Variants in FGF14 observed in about 807,000 individuals in gnomAD.
FGF14 encodes fibroblast growth factor 14.
A neutral mutation model predicts 25.5 loss-of-function variants in FGF14; 5 were observed. That is an observed-to-expected ratio of 0.20 (90% CI 0.10 to 0.41). The LOEUF (loss-of-function observed/expected upper bound fraction) is 0.41, where lower values mean the gene tolerates loss of function less well. FGF14 is among the 10% of genes least tolerant of loss of function. The pLI, the probability that FGF14 is intolerant of heterozygous loss-of-function variation, is 1.00. For missense variants in FGF14, 222 were observed against 320.1 expected, an observed-to-expected ratio of 0.69 and a Z score of 2.34; for synonymous variants, 138 against 118.3, an observed-to-expected ratio of 1.17 and a Z score of -1.08.
intron 1 of FGF14, among the ~76,000 whole-genome samples, chr13:102,012,736 G>A (rs9557786): frequency 0.11 from 17,303 of 152,090 alleles, 1,178 homozygotes; most frequent in Non-Finnish European, 0.16. Context: ...AACCCCTCCC[G>A]CACTGGGGCT....
chr13:102,021,314 TGAGCTAAGTA>T (rs1254561526), intron 1 of FGF14, among the ~76,000 whole-genome samples: 4 of 152,110 alleles, frequency 2.6e-5, no homozygotes, highest in Admixed American at 6.6e-5. Context: ...TAGCTCATTT[TGAGCTAAGTA>T]GAGGCTTCGT....
At position 101,916,654 on chromosome 13, in the gene FGF14, C is replaced by G. The variant is rs1418612835; in HGVS notation, c.-9G>C. ...GCGATGGCCGCGGCCATGGTGGCCC[C>G]GGGAACGGGTCCGGGGAGGGAGGGC... On this transcript the variant is annotated 5_prime_UTR_variant, in exon 1 of 5. Coordinates refer to ENST00000376143, the MANE Select transcript of FGF14 (RefSeq NM_004115.4). The G allele has an allele frequency of 4.5e-6, 7 of 1,540,170 alleles. No individual in the cohort carries two copies. In the South Asian group the frequency reaches 8.5e-5, roughly 19 times the overall value.
intron 3 of FGF14, among the ~76,000 whole-genome samples, chr13:101,858,606 T>C (rs2044249181): frequency 6.6e-6 from 1 of 152,068 alleles, no homozygotes; most frequent in Non-Finnish European, 1.5e-5. Context: ...CATTCACAAA[T>C]ATAGCTAACC....
At chr13:101,723,389 T>C (rs2035135563) in intron 4 of FGF14, among the ~76,000 whole-genome samples, 1 of 152,074 alleles carries the variant, frequency 6.6e-6, no homozygotes, top group South Asian at 2.1e-4. Context: ...TCTCATTCAC[T>C]TCAATCAATC....
At chr13:101,805,671 G>A (rs546362744) in intron 3 of FGF14, among the ~76,000 whole-genome samples, 4 of 152,226 alleles carry the variant, frequency 2.6e-5, no homozygotes, top group African/African-American at 9.6e-5. Flanking sequence ...ACAATTTTGA[G>A]TGACTAACAT....
chr13:102,001,815 C>T (rs1411192161), intron 1 of FGF14, among the ~76,000 whole-genome samples: 1 of 152,078 alleles, frequency 6.6e-6, no homozygotes, highest in Non-Finnish European at 1.5e-5. Flanking sequence ...AAGAGCACTG[C>T]AAGAAAACCA....
chr13:101,866,589 G>C (rs2044719095), intron 3 of FGF14, among the ~76,000 whole-genome samples: 2 of 114,498 alleles, frequency 1.7e-5, no homozygotes, highest in African/African-American at 8.1e-5. Flanking sequence ...TTATTGTATA[G>C]ATATAGCTAT....
At chr13:102,203,497 G>C (rs1268927896) in intron 1 of FGF14, among the ~76,000 whole-genome samples, 1 of 152,086 alleles carries the variant, frequency 6.6e-6, no homozygotes, top group African/African-American at 2.4e-5. Context: ...TTATAATTTT[G>C]TACAATGCAT....
chr13:101,876,949 AAG>A (rs760900846), intron 1 of FGF14, among the ~76,000 whole-genome samples: 15 of 152,340 alleles, frequency 9.8e-5, no homozygotes, highest in Admixed American at 7.8e-4. Flanking sequence ...TAAAAGCAAA[AAG>A]AGTTAAAAAC....
At chr13:102,271,965 C>A (rs1006720120) in intron 1 of FGF14, among the ~76,000 whole-genome samples, 9 of 152,102 alleles carry the variant, frequency 5.9e-5, no homozygotes, top group African/African-American at 2.2e-4. Context: ...TCAGAAGAAT[C>A]TTTTTGAAAC....
chr13:102,130,565 C>T (rs543762806), intron 1 of FGF14, among the ~76,000 whole-genome samples: 1 of 152,206 alleles, frequency 6.6e-6, no homozygotes, highest in South Asian at 2.1e-4. Flanking sequence ...AAATTAATAC[C>T]CCCTTTGTCA....
intron 1 of FGF14, among the ~76,000 whole-genome samples, chr13:102,197,342 C>T (rs2140859566): frequency 6.6e-6 from 1 of 152,136 alleles, no homozygotes; most frequent in East Asian, 1.9e-4. Flanking sequence ...AGTACTACTG[C>T]CCTAGACCCA....
chr13:102,060,383 G>C (rs542828208), intron 1 of FGF14, among the ~76,000 whole-genome samples: 1 of 152,084 alleles, frequency 6.6e-6, no homozygotes, highest in African/African-American at 2.4e-5. Context: ...AAAATTAGCC[G>C]GGCATGGTGG....
intron 3 of FGF14, among the ~76,000 whole-genome samples, chr13:101,751,664 G>A (rs2037283372): frequency 1.3e-5 from 2 of 152,130 alleles, no homozygotes; most frequent in African/African-American, 4.8e-5. Flanking sequence ...GGAAAGTATG[G>A]TTGGAAGACA....
intron 1 of FGF14, among the ~76,000 whole-genome samples, chr13:102,330,239 A>G (rs949946343): frequency 2.6e-5 from 4 of 152,142 alleles, no homozygotes. Context: ...ACAGAAGAGA[A>G]TGCCCTCAAC....
intron 1 of FGF14, among the ~76,000 whole-genome samples, chr13:102,204,867 G>A (rs951550313): frequency 6.6e-6 from 1 of 152,094 alleles, no homozygotes; most frequent in Non-Finnish European, 1.5e-5. Context: ...AGGACAAATG[G>A]CCAAGATGAT....
intron 3 of FGF14, among the ~76,000 whole-genome samples, chr13:101,866,829 C>T (rs983814485): frequency 2.0e-5 from 3 of 152,144 alleles, no homozygotes; most frequent in African/African-American, 7.2e-5. Context: ...ATGGCTAAGA[C>T]ATACAGTGGC....
At chr13:101,732,201 A>T (rs1422323567) in intron 3 of FGF14, among the ~76,000 whole-genome samples, 1 of 152,196 alleles carries the variant, frequency 6.6e-6, no homozygotes. Context: ...GAATTAGCCC[A>T]CCAACTCCAC....
At position 102,180,497 on chromosome 13, in the gene FGF14, G is replaced by C. The variant is rs376540557; in HGVS notation, c.208+220974C>G. Among the ~76,000 whole-genome samples, 14 of 152,136 alleles carry C rather than the reference G, an allele frequency of 9.2e-5. No individual in the cohort carries two copies. The East Asian group carries it at 2.5e-3, about 27-fold the overall frequency. ...CCAGCTAAGTTTTGTATTTTTAGTA[G>C]AGATGGGGTTTCACCATGTTGGCCA... On this transcript the variant is annotated intron_variant, in intron 1 of 4. Transcript: ENST00000376131.
Sources: gnomAD v4.1 joint callset for allele counts (sites outside exome capture counted in the v4.1 genomes callset) on GRCh38, gnomAD v4.1.1 for gene constraint, MANE v1.5 for transcripts, NCBI Gene and HGNC (gene_info 2026-07-23, HGNC 2026-07-21) for gene names.